Variants in ACOT11 observed in about 807,000 individuals in gnomAD.
ACOT11 encodes the protein acyl-coenzyme A thioesterase 11.
Under a neutral mutation model 77.5 loss-of-function variants are expected in ACOT11, and 69 were observed. That is an observed-to-expected ratio of 0.89 (90% CI 0.73 to 1.09). The LOEUF is 1.09. ACOT11 is among the 50% of genes least tolerant of loss of function. The probability of loss-of-function intolerance (pLI) is 0.00; values close to 1 mark genes in which losing one functional copy is unlikely to be tolerated. For missense variants in ACOT11, 766 were observed against 813.7 expected, an observed-to-expected ratio of 0.94 and a Z score of 0.71; for synonymous variants, 279 against 313.0, an observed-to-expected ratio of 0.89 and a Z score of 1.15.
intron 3 of ACOT11, 59 bp from the exon 4 acceptor site, chr1:54,592,487 G>A: frequency 2.0e-6 from 3 of 1,514,294 alleles, no homozygotes; most frequent in Non-Finnish European, 2.7e-6. Context: ...AGTATCTGAG[G>A]CCCCTGTTCC....
intron 1 of ACOT11, among the ~76,000 whole-genome samples, chr1:54,580,516 T>C (rs1385386795): frequency 1.3e-5 from 2 of 152,210 alleles, no homozygotes; most frequent in Non-Finnish European, 2.9e-5. Flanking sequence ...CTGAACCCTT[T>C]GCCCTGACAT....
intron 1 of ACOT11, among the ~76,000 whole-genome samples, chr1:54,578,173 A>G (rs17131764): frequency 0.023 from 3,401 of 150,260 alleles, 103 homozygotes; most frequent in East Asian, 0.12. Flanking sequence ...GACAAGGGGA[A>G]CAAACACATT....
exon 17 of ACOT11, chr1:54,638,484 A>G (rs1009540633): frequency 1.3e-5 from 2 of 152,108 alleles, no homozygotes; most frequent in African/African-American, 4.8e-5. Context: ...CAGCCTTCCA[A>G]GTAGCTGGGA....
chr1:54,585,904 G>A lies in ACOT11; in HGVS notation c.311G>A (p.Ser104Asn), dbSNP rs779020279. The A allele has an allele frequency of 6.2e-7, 1 of 1,614,032 alleles. No homozygotes were observed. The highest frequency in any genetic ancestry group is 8.5e-7 in the Non-Finnish European group (1 of 1,179,972). ...MDDIYFEHTI[S>N]VGQVVNIKAK... ...GACATCTATTTTGAGCACACCATTAGGTAAGTGGCCCCTCCTGCCTCAAGG... is the reference window on the plus strand; with the variant it reads ...GACATCTATTTTGAGCACACCATTAAGTAAGTGGCCCCTCCTGCCTCAAGG... The change falls in exon 3 of 16, where the codon AGT becomes AAT. Residue 104 changes from serine (S) to asparagine (N), a missense_variant and splice_region_variant. Coordinates refer to ENST00000343744, the MANE Select transcript of ACOT11 (RefSeq NM_147161.4).
At chr1:54,549,751 G>T (rs1476363283) in intron 1 of ACOT11, among the ~76,000 whole-genome samples, 1 of 152,236 alleles carries the variant, frequency 6.6e-6, no homozygotes. Context: ...AATGAATGGG[G>T]ACAGGCAGCT....
At chr1:54,619,794 C>G in intron 15 of ACOT11, 1 of 1,516,444 alleles carries the variant, frequency 6.6e-7, no homozygotes, top group Non-Finnish European at 9.1e-7. Context: ...AGTGTCTGAT[C>G]CTCACTTCTC....
intron 1 of ACOT11, among the ~76,000 whole-genome samples, chr1:54,551,738 T>TTTTGG (rs1653077332): frequency 6.9e-6 from 1 of 145,258 alleles, no homozygotes; most frequent in Non-Finnish European, 1.5e-5. Context: ...TTTTGTTTTG[T>TTTTGG]TTTTGTTTTT....
chr1:54,561,356 C>T (rs1402905178), intron 1 of ACOT11, among the ~76,000 whole-genome samples: 13 of 95,624 alleles, frequency 1.4e-4, no homozygotes, highest in Admixed American at 2.3e-4. Flanking sequence ...CATCTTGCAC[C>T]GCCCTTAATC....
intron 15 of ACOT11, among the ~76,000 whole-genome samples, chr1:54,623,932 A>G (rs527471226): frequency 1.3e-4 from 20 of 152,202 alleles, no homozygotes; most frequent in Non-Finnish European, 2.8e-4. Flanking sequence ...GGTGACAAAG[A>G]CAGATTAGAT....
At position 54,609,655 on chromosome 1, in the gene ACOT11, A is replaced by G; in HGVS notation, c.*543A>G. 1.2e-6 allele frequency: 2 copies of G among 1,613,978 alleles called. No homozygotes were observed. Among genetic ancestry groups the G allele is most frequent in the Admixed American group, 1.7e-5 (1 of 60,032 alleles). ...CTGTAAGCAGCTCTCTGCCAGCCACATGGCCGGGGACCGAAAAACTCCCGT... is the reference window on the plus strand; with the variant it reads ...CTGTAAGCAGCTCTCTGCCAGCCACGTGGCCGGGGACCGAAAAACTCCCGT... On this transcript the variant is annotated 3_prime_UTR_variant, in exon 16 of 16. Coordinates refer to ENST00000343744, the MANE Select transcript of ACOT11 (RefSeq NM_147161.4).
chr1:54,635,936 C>T (rs1282539722), exon 17 of ACOT11: 1 of 152,318 alleles, frequency 6.6e-6, no homozygotes, highest in Non-Finnish European at 1.5e-5. Flanking sequence ...GAACACCTGG[C>T]CTGCCCAGGG....
At chr1:54,574,765 T>A (rs1479416773) in intron 1 of ACOT11, among the ~76,000 whole-genome samples, 2 of 152,130 alleles carry the variant, frequency 1.3e-5, no homozygotes, top group African/African-American at 4.8e-5. Context: ...CAAACCCTCT[T>A]TCCACATTTC....
downstream of ACOT11, chr1:54,611,648 C>T: frequency 1.2e-6 from 2 of 1,614,092 alleles, no homozygotes; most frequent in Non-Finnish European, 1.7e-6. Context: ...TCAAAGATGT[C>T]ATAGTAGACT....
chr1:54,593,881 C>A, intron 4 of ACOT11, 60 bp from the exon 5 acceptor site: 1 of 1,428,812 alleles, frequency 7.0e-7, no homozygotes. Flanking sequence ...AGCTGCGGGG[C>A]TTCTAACTGG....
chr1:54,621,109 G>A (rs1384196830), intron 15 of ACOT11, among the ~76,000 whole-genome samples: 2 of 151,148 alleles, frequency 1.3e-5, no homozygotes, highest in Admixed American at 6.6e-5. Context: ...GCAGTGAGCC[G>A]GAGATCATGC....
At chr1:54,562,553 C>A (rs1487746698) in intron 1 of ACOT11, among the ~76,000 whole-genome samples, 1 of 142,042 alleles carries the variant, frequency 7.0e-6, no homozygotes, top group Non-Finnish European at 1.6e-5. Flanking sequence ...TGACCCACCC[C>A]CCACCTCCCT....
chr1:54,607,512 C>T lies in ACOT11; in HGVS notation c.1502+247C>T, dbSNP rs568495749. Among the ~76,000 whole-genome samples the T allele has an allele frequency of 6.6e-6, 1 of 152,280 alleles. No individual in the cohort carries two copies. The highest frequency in any genetic ancestry group is 2.4e-5 in the African/African-American group (1 of 41,566). The stretch of plus-strand genomic sequence containing the variant: ...GCAGGGCCACCCTTACCCAGGGTGG[C>T]TCAGGCTGCCTCGATGCAGGCCTTG... On this transcript the variant is annotated intron_variant, in intron 14 of 15. Transcript: ENST00000343744. This position sits in a 1 kb window ranked among gnomAD's most constrained non-coding sequence, Gnocchi z 4.5.
intron 15 of ACOT11, among the ~76,000 whole-genome samples, chr1:54,618,931 A>G (rs1644201513): frequency 6.6e-6 from 1 of 152,166 alleles, no homozygotes; most frequent in Non-Finnish European, 1.5e-5. Flanking sequence ...ATTTATATGG[A>G]GTTGATTGCT....
chr1:54,549,700 C>CACGGGG (rs1215115336), intron 1 of ACOT11, among the ~76,000 whole-genome samples: 1 of 152,202 alleles, frequency 6.6e-6, no homozygotes, highest in Admixed American at 6.5e-5. Context: ...GTATACCCAG[C>CACGGGG]ACGGGGACGG....
Sources: gnomAD v4.1 joint callset for allele counts (sites outside exome capture counted in the v4.1 genomes callset) on GRCh38, gnomAD v4.1.1 for gene constraint, Gnocchi (gnomAD v3.1) non-coding constraint, MANE v1.5 for transcripts, NCBI Gene and HGNC (gene_info 2026-07-23, HGNC 2026-07-21) for gene names.